CDC42BPA: variants seen among roughly 807,000 people sequenced by gnomAD.
CDC42BPA encodes the protein CDC42 binding protein kinase alpha.
In CDC42BPA, 80 loss-of-function variants were observed where a neutral mutation model predicts 223.5. The ratio of observed to expected loss-of-function variants is 0.36; its 90% CI spans 0.30 to 0.43. The LOEUF (loss-of-function observed/expected upper bound fraction) is 0.43, where lower values mean the gene tolerates loss of function less well. CDC42BPA is among the 20% of genes least tolerant of loss of function. The pLI is 1.00. For missense variants in CDC42BPA, 1,743 were observed against 2,099.9 expected, an observed-to-expected ratio of 0.83 and a Z score of 3.32; for synonymous variants, 694 against 718.6, an observed-to-expected ratio of 0.97 and a Z score of 0.55.
At chr1:227,260,551 G>A (rs1182123588) in intron 1 of CDC42BPA, among the ~76,000 whole-genome samples, 1 of 135,066 alleles carries the variant, frequency 7.4e-6, no homozygotes, top group Non-Finnish European at 1.6e-5. Flanking sequence ...AGCTACCATG[G>A]TGTCAGAAAG....
At chr1:227,168,987 C>T (rs181970568) in intron 5 of CDC42BPA, among the ~76,000 whole-genome samples, 1 of 152,192 alleles carries the variant, frequency 6.6e-6, no homozygotes, top group Admixed American at 6.5e-5. Flanking sequence ...ATCTTTTCCT[C>T]TCTGTTACCT....
At chr1:227,294,373 TAGA>T (rs749746340) in intron 1 of CDC42BPA, among the ~76,000 whole-genome samples, 2 of 152,022 alleles carry the variant, frequency 1.3e-5, no homozygotes, top group Non-Finnish European at 2.9e-5. Flanking sequence ...TACAATAATA[TAGA>T]AGAAGAGCTT....
intron 21 of CDC42BPA, among the ~76,000 whole-genome samples, chr1:227,063,938 GAAGCCATGACTGA>G (rs1676460808): frequency 2.0e-5 from 3 of 152,262 alleles, no homozygotes; most frequent in African/African-American, 7.2e-5. Context: ...AAAGAAGTTA[GAAGCCATGACTGA>G]AATTAAATAT....
chr1:227,185,046 C>T (rs1668530108), intron 5 of CDC42BPA, among the ~76,000 whole-genome samples: 1 of 152,100 alleles, frequency 6.6e-6, no homozygotes, highest in African/African-American at 2.4e-5. Context: ...TTTATAACAT[C>T]ATACCGTTCT....
At chr1:227,267,988 C>T (rs1239980621) in intron 1 of CDC42BPA, among the ~76,000 whole-genome samples, 1 of 152,164 alleles carries the variant, frequency 6.6e-6, no homozygotes, top group African/African-American at 2.4e-5. Flanking sequence ...GTACACCTAC[C>T]ATGTCCCAGG....
intron 1 of CDC42BPA, among the ~76,000 whole-genome samples, chr1:227,313,966 T>C (rs891028353): frequency 1.3e-5 from 2 of 148,268 alleles, no homozygotes; most frequent in African/African-American, 5.0e-5. Flanking sequence ...TAGTTATCCA[T>C]GTACAGACAG....
At chr1:227,295,249 T>C (rs1409602901) in intron 1 of CDC42BPA, among the ~76,000 whole-genome samples, 1 of 152,090 alleles carries the variant, frequency 6.6e-6, no homozygotes, top group Non-Finnish European at 1.5e-5. Flanking sequence ...CAACCTACAC[T>C]GCCCAGGCTC....
chr1:227,003,939 G>C (rs538280095), intron 35 of CDC42BPA: 2 of 152,148 alleles, frequency 1.3e-5, no homozygotes, highest in African/African-American at 4.8e-5. Flanking sequence ...CAGCAGAAGA[G>C]TTGGTATCTA....
intron 2 of CDC42BPA, among the ~76,000 whole-genome samples, chr1:227,222,581 G>A (rs534196289): frequency 3.3e-5 from 5 of 152,172 alleles, no homozygotes; most frequent in Non-Finnish European, 5.9e-5. Flanking sequence ...TCCAGAGAGG[G>A]TCCTGCCCCA....
At chr1:227,067,827 C>A (rs1677422551) in intron 21 of CDC42BPA, among the ~76,000 whole-genome samples, 1 of 152,104 alleles carries the variant, frequency 6.6e-6, no homozygotes, top group East Asian at 1.9e-4. Context: ...TAAAAAATCT[C>A]CCGATTTAAA....
At chr1:227,001,973 A>T (rs558011008) in intron 35 of CDC42BPA, among the ~76,000 whole-genome samples, 12 of 152,312 alleles carry the variant, frequency 7.9e-5, no homozygotes, top group African/African-American at 2.6e-4. Context: ...AAACAACAAC[A>T]AAACCCAAAA....
At position 227,101,191 on chromosome 1, in the gene CDC42BPA, G is replaced by C. The variant is rs1365152471; in HGVS notation, c.2050C>G (p.Gln684Glu). Residue 684 changes from glutamine (Q) to glutamate (E), a missense_variant, in exon 15 of 37, where the codon CAA becomes GAA. Coordinates refer to ENST00000366766, the MANE Select transcript of CDC42BPA (RefSeq NM_001394014.1). ...TCAGTCTTTAGTTTGGTTATCTCTTGCTGATGTTCTATGCTGCATACTCCT... is the reference window on the plus strand; with the variant it reads ...TCAGTCTTTAGTTTGGTTATCTCTTCCTGATGTTCTATGCTGCATACTCCT... Reference protein sequence around the residue: ...SPGVCSIEHQQEITKLKTDLE... With the variant: ...SPGVCSIEHQEEITKLKTDLE... The C allele has an allele frequency of 6.2e-7, 1 of 1,603,098 alleles. No homozygotes were observed. The highest frequency in any genetic ancestry group is 8.5e-7 in the Non-Finnish European group (1 of 1,171,402).
intron 21 of CDC42BPA, among the ~76,000 whole-genome samples, chr1:227,064,584 C>T (rs1019212966): frequency 6.6e-6 from 1 of 152,090 alleles, no homozygotes; most frequent in African/African-American, 2.4e-5. Flanking sequence ...TTGCTCCTCA[C>T]CCTGTTTATT....
At chr1:227,104,557 A>C (rs17545704) in intron 14 of CDC42BPA, among the ~76,000 whole-genome samples, 1 of 152,132 alleles carries the variant, frequency 6.6e-6, no homozygotes, top group Non-Finnish European at 1.5e-5. Context: ...TAAGTGAAAA[A>C]TGTAAGTGTA....
intron 6 of CDC42BPA, among the ~76,000 whole-genome samples, chr1:227,158,962 C>G (rs1044041862): frequency 6.6e-6 from 1 of 151,994 alleles, no homozygotes; most frequent in Non-Finnish European, 1.5e-5. Flanking sequence ...CAGGAACTGC[C>G]CCAGTCTTTG....
At chr1:227,249,021 C>T (rs1320636914) in intron 2 of CDC42BPA, among the ~76,000 whole-genome samples, 1 of 152,116 alleles carries the variant, frequency 6.6e-6, no homozygotes, top group African/African-American at 2.4e-5. Context: ...AATCATATTA[C>T]CTGACTTCAA....
At chr1:227,220,285 TATATATA>T (rs1558796162) in intron 2 of CDC42BPA, among the ~76,000 whole-genome samples, 4 of 57,594 alleles carry the variant, frequency 6.9e-5, no homozygotes, top group East Asian at 4.5e-4. Context: ...AGTCATGTTA[TATATATA>T]TATATATATA....
intron 17 of CDC42BPA, among the ~76,000 whole-genome samples, chr1:227,077,762 G>A (rs1243304876): frequency 6.6e-6 from 1 of 151,938 alleles, no homozygotes; most frequent in East Asian, 1.9e-4. Context: ...CTTCCCCAAG[G>A]GTGGTTACCC....
chr1:227,078,069 G>T (rs1679874938), intron 17 of CDC42BPA, among the ~76,000 whole-genome samples: 1 of 152,046 alleles, frequency 6.6e-6, no homozygotes. Context: ...TTCTTACCTA[G>T]TATTCATGAC....
Sources: allele counts gnomAD v4.1 joint callset (sites outside exome capture counted in the v4.1 genomes callset), GRCh38; gene constraint gnomAD v4.1.1; transcripts MANE v1.5; gene names NCBI Gene and HGNC (gene_info 2026-07-23, HGNC 2026-07-21).